The following ZNF292 variants were observed in gnomAD, a reference collection of about 807,000 sequenced individuals.
The protein encoded by ZNF292 is 16 zinc-finger domain protein.
Under a neutral mutation model 217.9 loss-of-function variants are expected in ZNF292, and 26 were observed. The ratio of observed to expected loss-of-function variants is 0.12; its 90% CI spans 0.09 to 0.17. The LOEUF (loss-of-function observed/expected upper bound fraction) is 0.17, where lower values mean the gene tolerates loss of function less well. Among genes scored for constraint, ZNF292 ranks in the 10% least tolerant of loss-of-function variants. The pLI, the probability that ZNF292 is intolerant of heterozygous loss-of-function variation, is 1.00. For missense variants in ZNF292, 2,904 were observed against 3,175.2 expected, an observed-to-expected ratio of 0.91 and a Z score of 2.05; for synonymous variants, 1,257 against 1,124.1, an observed-to-expected ratio of 1.12 and a Z score of -2.37.
chr6:87,216,143 AC>A, intron 2 of ZNF292, 86 bp downstream of exon 2: 1 of 1,040,872 alleles, frequency 9.6e-7, no homozygotes, highest in African/African-American at 1.9e-5. Flanking sequence ...ACACACACAC[AC>A]ACACACACAC....
At chr6:87,204,854 G>A (rs1392886650) in intron 1 of ZNF292, among the ~76,000 whole-genome samples, 1 of 151,984 alleles carries the variant, frequency 6.6e-6, no homozygotes, top group Admixed American at 6.6e-5. Context: ...GTGAACCACT[G>A]CGCCTGGCCA....
intron 1 of ZNF292, among the ~76,000 whole-genome samples, chr6:87,196,219 T>TA (rs1419244086): frequency 6.6e-6 from 1 of 152,238 alleles, no homozygotes; most frequent in Non-Finnish European, 1.5e-5. Flanking sequence ...CAACATTTTA[T>TA]ATAGTACTTT....
chr6:87,227,449 A>C (rs546007264), intron 4 of ZNF292, among the ~76,000 whole-genome samples: 8 of 152,144 alleles, frequency 5.3e-5, no homozygotes, highest in East Asian at 3.9e-4. Flanking sequence ...GTAAAAAAAA[A>C]CCACACACAC....
intron 1 of ZNF292, among the ~76,000 whole-genome samples, chr6:87,163,086 C>G (rs765516519): frequency 2.0e-5 from 3 of 152,100 alleles, no homozygotes; most frequent in Non-Finnish European, 4.4e-5. Flanking sequence ...TCCCCCTTGA[C>G]TTACATTAAA....
chr6:87,180,950 C>A (rs972707779), intron 1 of ZNF292, among the ~76,000 whole-genome samples: 2 of 152,246 alleles, frequency 1.3e-5, no homozygotes, highest in East Asian at 1.9e-4. Flanking sequence ...CCTGCTTGGT[C>A]GCCCCGCAGC....
chr6:87,202,343 C>CT (rs1219376645), intron 1 of ZNF292, among the ~76,000 whole-genome samples: 3 of 152,168 alleles, frequency 2.0e-5, no homozygotes, highest in African/African-American at 7.2e-5. Flanking sequence ...ATTATAGTTT[C>CT]TAACTGCTTT....
At chr6:87,243,725 C>G (rs1774429142) in intron 6 of ZNF292, 114 bp downstream of exon 6, 3 of 1,042,426 alleles carry the variant, frequency 2.9e-6, no homozygotes. Flanking sequence ...AGACAAAAGG[C>G]TTATATTTAG....
intron 4 of ZNF292, among the ~76,000 whole-genome samples, chr6:87,226,002 G>A (rs573004190): frequency 1.3e-5 from 2 of 152,174 alleles, no homozygotes; most frequent in South Asian, 4.1e-4. Context: ...TGACACTCAT[G>A]GTGCATCCTT....
Position 87,258,729 on chromosome 6 carries a change from T to C in ZNF292, c.5100T>C (p.Thr1700=). 1 of 1,613,452 alleles carries C rather than the reference T, an allele frequency of 6.2e-7. No individual in the cohort carries two copies. Among genetic ancestry groups the C allele is most frequent in the Non-Finnish European group, 8.5e-7 (1 of 1,179,680 alleles). ...LNNVNNQLFM[T]DVKENFKTSL... ...ATGTTAACAATCAGTTATTTATGAC[T>C]GATGTAAAAGAGAATTTCAAAACCA... Residue 1700 remains threonine (T), a synonymous_variant, in exon 8 of 8, where the codon ACT becomes ACC. Transcript: ENST00000369577.
At chr6:87,237,404 G>T (rs1474604560) in intron 5 of ZNF292, among the ~76,000 whole-genome samples, 1 of 152,014 alleles carries the variant, frequency 6.6e-6, no homozygotes, top group Non-Finnish European at 1.5e-5. Context: ...GCCATGCCTG[G>T]CTAATTTTTT....
At chr6:87,216,690 T>C (rs1772799916) in intron 3 of ZNF292, among the ~76,000 whole-genome samples, 1 of 152,064 alleles carries the variant, frequency 6.6e-6, no homozygotes, top group African/African-American at 2.4e-5. Flanking sequence ...AAGTCTTCAA[T>C]GTGCTTTATA....
At chr6:87,239,308 G>T (rs1163160700) in intron 5 of ZNF292, among the ~76,000 whole-genome samples, 13 of 150,542 alleles carry the variant, frequency 8.6e-5, no homozygotes, top group African/African-American at 2.9e-4. Flanking sequence ...GGGCAGAGGC[G>T]CCCCCCCACC....
intron 4 of ZNF292, among the ~76,000 whole-genome samples, chr6:87,220,540 A>G (rs1044433199): frequency 6.6e-6 from 1 of 152,210 alleles, no homozygotes; most frequent in African/African-American, 2.4e-5. Flanking sequence ...GCCTAATAAA[A>G]TAGAGTTGCA....
At chr6:87,186,362 T>C (rs1331424199) in intron 1 of ZNF292, among the ~76,000 whole-genome samples, 1 of 152,248 alleles carries the variant, frequency 6.6e-6, no homozygotes, top group Non-Finnish European at 1.5e-5. Context: ...AGTTTTGTTT[T>C]GGGAATGCCT....
Position 87,258,614 on chromosome 6 carries a change from T to C in ZNF292, c.4985T>C (p.Val1662Ala), listed in dbSNP as rs745384711. Residue 1662 changes from valine (V) to alanine (A), a missense_variant, in exon 8 of 8, where the codon GTT becomes GCT. By Grantham distance (64) the Val-to-Ala change is moderately conservative (BLOSUM62 0). This residue lies in a region of ZNF292 where 622 missense variants were observed against 573.1 expected (regional missense o/e 1.09). Transcript: ENST00000369577. ...LTTMGLIAKS[V>A]EIPTTNLHSN... ...ACAATGGGACTCATAGCAAAGAGTG[T>C]TGAAATCCCAACTACTAACCTTCAT... 1 of 1,613,650 alleles carries C rather than the reference T, an allele frequency of 6.2e-7. No homozygotes were observed. Among genetic ancestry groups the C allele is most frequent in the Middle Eastern group, 1.7e-4 (1 of 6,060 alleles).
intron 1 of ZNF292, among the ~76,000 whole-genome samples, chr6:87,205,557 A>C (rs912419842): frequency 4.4e-4 from 67 of 152,018 alleles, no homozygotes; most frequent in African/African-American, 1.6e-3. Flanking sequence ...AGTTATTTTC[A>C]GATAAGATGA....
intron 1 of ZNF292, among the ~76,000 whole-genome samples, chr6:87,195,624 A>C (rs373243629): frequency 6.6e-6 from 1 of 152,202 alleles, no homozygotes; most frequent in Non-Finnish European, 1.5e-5. Context: ...ACTATTAAAA[A>C]CACCCATGAC....
At position 87,258,505 on chromosome 6, in the gene ZNF292, A is replaced by G. The variant is rs1775366230; in HGVS notation, c.4876A>G (p.Ser1626Gly). 1 of 1,613,622 alleles carries G rather than the reference A, an allele frequency of 6.2e-7. No individual in the cohort carries two copies. Among genetic ancestry groups the G allele is most frequent in the South Asian group, 1.1e-5 (1 of 91,080 alleles). ...RSSHLNKKGNSASKRRKKVAP... is the reference protein window; with the variant it reads ...RSSHLNKKGNGASKRRKKVAP... The stretch of plus-strand genomic sequence containing the variant: ...CAGTCATTTAAATAAAAAGGGAAAC[A>G]GTGCTTCTAAGAGAAGAAAGAAAGT... Residue 1626 changes from serine (S) to glycine (G), a missense_variant, in exon 8 of 8, where the codon AGT (serine) becomes GGT (glycine). By Grantham distance (56) the Ser-to-Gly change is moderately conservative. This residue lies in a region of ZNF292 where 622 missense variants were observed against 573.1 expected (regional missense o/e 1.09). Coordinates refer to ENST00000369577, the MANE Select transcript of ZNF292 (RefSeq NM_015021.3).
At chr6:87,184,593 G>A (rs1771581017) in intron 1 of ZNF292, among the ~76,000 whole-genome samples, 1 of 151,486 alleles carries the variant, frequency 6.6e-6, no homozygotes, top group Admixed American at 6.6e-5. Flanking sequence ...GTTCTCCAGA[G>A]AGAGAACCAA....
Sources: allele counts gnomAD v4.1 joint callset (sites outside exome capture counted in the v4.1 genomes callset), GRCh38; gene constraint gnomAD v4.1.1; regional missense constraint gnomAD v4.1.1; transcripts MANE v1.5; gene names NCBI Gene and HGNC (gene_info 2026-07-23, HGNC 2026-07-21).